MYO9A: variants seen among roughly 807,000 people sequenced by gnomAD.
The protein encoded by MYO9A is myosin IXA, also known as unconventional myosin-IXa.
Under a neutral mutation model 293.3 loss-of-function variants are expected in MYO9A, and 103 were observed. That is an observed-to-expected ratio of 0.35 (90% CI 0.30 to 0.41). MYO9A has a LOEUF of 0.41. Ranked by LOEUF, MYO9A falls within the 10% of genes least tolerant of loss-of-function variation. The pLI, the probability that MYO9A is intolerant of heterozygous loss-of-function variation, is 1.00. For synonymous variants in MYO9A, 1,001 were observed against 1,035.7 expected (o/e 0.97, Z 0.64); for missense variants, 2,685 against 3,033.0 (o/e 0.89, Z 2.69).
chr15:71,906,758 C>CTTTCTTTTTTTTTTCTTT lies in MYO9A; in HGVS notation c.2686-1753_2686-1752insAAAGAAAAAAAAAAGAAA, dbSNP rs765264146. Among the ~76,000 whole-genome samples the CTTTCTTTTTTTTTTCTTT allele has an allele frequency of 7.2e-4, 44 of 61,028 alleles. 3 individuals carry two copies. Among genetic ancestry groups the CTTTCTTTTTTTTTTCTTT allele is most frequent in the African/African-American group, 2.7e-3 (43 of 15,720 alleles). 40.0% of individuals were successfully genotyped at this position (61,028 alleles called of 152,430 possible). On this transcript the variant is annotated intron_variant, in intron 19 of 41. Transcript: ENST00000356056. ...CCAATCAGATAATATCCATTTCTTTCTTTTTTTTTTTTTTTTTTTTCCTGA... is the reference window on the plus strand; with the variant it reads ...CCAATCAGATAATATCCATTTCTTTCTTTCTTTTTTTTTTCTTTTTTTTTTTTTTTTTTTTTTTCCTGA...
chr15:71,883,107 TA>T (rs1056908047), intron 28 of MYO9A, among the ~76,000 whole-genome samples: 2 of 151,920 alleles, frequency 1.3e-5, no homozygotes, highest in African/African-American at 2.4e-5. Context: ...CCTGGCCTAA[TA>T]AAAAAAATTC....
chr15:71,998,652 T>A (rs2148630263), intron 9 of MYO9A, among the ~76,000 whole-genome samples: 1 of 151,068 alleles, frequency 6.6e-6, no homozygotes, highest in East Asian at 2.0e-4. Flanking sequence ...TATGTATACA[T>A]GTGCCATGCT....
At chr15:72,090,831 T>C (rs1223937076) in intron 1 of MYO9A, among the ~76,000 whole-genome samples, 3 of 152,112 alleles carry the variant, frequency 2.0e-5, no homozygotes, top group African/African-American at 4.8e-5. Context: ...TAGTTCATCA[T>C]TGCTGTGAGA....
At chr15:71,971,811 T>A (rs188742965) in intron 12 of MYO9A, among the ~76,000 whole-genome samples, 2,182 of 150,366 alleles carry the variant, frequency 0.015, 26 homozygotes, top group Non-Finnish European at 0.021. Context: ...ATATTTATTT[T>A]TATATATATA....
chr15:71,881,340 G>A (rs1017202743), intron 28 of MYO9A, among the ~76,000 whole-genome samples: 2 of 151,806 alleles, frequency 1.3e-5, no homozygotes, highest in African/African-American at 4.8e-5. Flanking sequence ...TTCCCAATGT[G>A]TATGCTCGTT....
At chr15:71,932,383 G>C (rs1428751234) in intron 18 of MYO9A, among the ~76,000 whole-genome samples, 1 of 152,054 alleles carries the variant, frequency 6.6e-6, no homozygotes, top group African/African-American at 2.4e-5. Flanking sequence ...TATCCCTTGG[G>C]AGGGAGCAGT....
chr15:71,902,410 A>G (rs1272457952), intron 22 of MYO9A, among the ~76,000 whole-genome samples: 6 of 152,238 alleles, frequency 3.9e-5, no homozygotes, highest in Middle Eastern at 3.4e-3. Context: ...CTAGAATCAG[A>G]TAAGTAAGCT....
At chr15:72,047,768 T>C (rs1357392674) in intron 1 of MYO9A, among the ~76,000 whole-genome samples, 1 of 103,668 alleles carries the variant, frequency 9.6e-6, no homozygotes, top group Admixed American at 1.3e-4. Flanking sequence ...TACTTTCAGT[T>C]ACTTCCTTTT....
At chr15:71,924,224 A>C (rs796696783) in intron 18 of MYO9A, among the ~76,000 whole-genome samples, 4 of 151,316 alleles carry the variant, frequency 2.6e-5, no homozygotes, top group African/African-American at 9.7e-5. Flanking sequence ...AATTTTGTTT[A>C]TTATTATTAT....
chr15:71,996,927 A>T (rs938536066), intron 9 of MYO9A, among the ~76,000 whole-genome samples: 1 of 152,018 alleles, frequency 6.6e-6, no homozygotes, highest in African/African-American at 2.4e-5. Context: ...TCCCATATGA[A>T]ACTGATGTCA....
At chr15:71,919,081 C>CA (rs2058086133) in intron 18 of MYO9A, among the ~76,000 whole-genome samples, 2 of 152,152 alleles carry the variant, frequency 1.3e-5, no homozygotes, top group African/African-American at 2.4e-5. Flanking sequence ...TTCAACACTG[C>CA]ACATAATATC....
At chr15:72,098,266 G>A (rs1299794813) in intron 1 of MYO9A, among the ~76,000 whole-genome samples, 1 of 151,392 alleles carries the variant, frequency 6.6e-6, no homozygotes, top group Non-Finnish European at 1.5e-5. Flanking sequence ...ACCATGCCCT[G>A]ACAACAGTTA....
rs2054537483 is a variant in MYO9A at position 71,827,129 on chromosome 15, C to T, written c.7184-86G>A. 29 of 1,052,934 alleles carry T rather than the reference C, an allele frequency of 2.8e-5. 1 individual carries two copies. The South Asian group carries it at 4.4e-4, about 16-fold the overall frequency. 65.2% of individuals were successfully genotyped at this position (1,052,934 alleles called of 1,614,324 possible). On this transcript the variant is annotated intron_variant, in intron 41 of 41. Coordinates refer to ENST00000356056, the MANE Select transcript of MYO9A (RefSeq NM_006901.4). ...TAATGAATAGATGCCACTGTTCACA[C>T]ATGAAATTGGGTGGGATAAGATTCA...
At chr15:72,082,447 T>C (rs1051137884) in intron 1 of MYO9A, among the ~76,000 whole-genome samples, 1 of 152,194 alleles carries the variant, frequency 6.6e-6, no homozygotes, top group Non-Finnish European at 1.5e-5. Flanking sequence ...GTTTTCTAAA[T>C]ATAGTCATGT....
intron 6 of MYO9A, among the ~76,000 whole-genome samples, chr15:72,016,309 C>A (rs1313918013): frequency 6.6e-6 from 1 of 152,016 alleles, no homozygotes; most frequent in Non-Finnish European, 1.5e-5. Context: ...AATAACAGGG[C>A]TGGCCAATCC....
rs1567176210 is a variant in MYO9A at position 71,830,306 on chromosome 15, C to T, written c.6843G>A (p.Lys2281=). Reference sequence around the variant, plus strand: ...GATAGTTTCCTCGACGAATACGCCCCTTTCCCTGCAGAGAAAAATTCATGT... The same window carrying T: ...GATAGTTTCCTCGACGAATACGCCCTTTTCCCTGCAGAGAAAAATTCATGT... ...RLSLIRRSMG[K]GRIRRGNYPG... Residue 2281 remains lysine, a synonymous_variant, in exon 40 of 42, where the codon AAG becomes AAA. Transcript: ENST00000356056. 6.2e-7 allele frequency: 1 copy of T among 1,613,334 alleles called. No homozygotes were observed. The highest frequency in any genetic ancestry group is 2.2e-5 in the East Asian group (1 of 44,866).
At chr15:71,899,274 G>C (rs1184342478) in intron 24 of MYO9A, among the ~76,000 whole-genome samples, 2 of 152,108 alleles carry the variant, frequency 1.3e-5, no homozygotes, top group Non-Finnish European at 2.9e-5. Flanking sequence ...TAATTCAGAA[G>C]TAAAGCTCTC....
intron 15 of MYO9A, among the ~76,000 whole-genome samples, chr15:71,941,058 G>T (rs1049174343): frequency 6.6e-6 from 1 of 152,136 alleles, no homozygotes; most frequent in African/African-American, 2.4e-5. Context: ...GTGGCCTAAA[G>T]AATAATATAC....
chr15:72,080,273 A>C (rs1015537135), intron 1 of MYO9A, among the ~76,000 whole-genome samples: 14 of 147,876 alleles, frequency 9.5e-5, no homozygotes, highest in African/African-American at 3.3e-4. Context: ...AAATCAACTA[A>C]CAACGTACCA....
Sources: gnomAD v4.1 joint callset for allele counts (sites outside exome capture counted in the v4.1 genomes callset) on GRCh38, gnomAD v4.1.1 for gene constraint, MANE v1.5 for transcripts, NCBI Gene and HGNC (gene_info 2026-07-23, HGNC 2026-07-21) for gene names.